EYS: variants seen among roughly 807,000 people sequenced by gnomAD.
EYS encodes the protein protein eyes shut homolog.
Under a neutral mutation model 282.1 loss-of-function variants are expected in EYS, and 250 were observed. The ratio of observed to expected loss-of-function variants is 0.89; its 90% CI spans 0.80 to 0.98. The LOEUF is 0.98. Among genes scored for constraint, EYS ranks in the 50% least tolerant of loss-of-function variants. The pLI, the probability that EYS is intolerant of heterozygous loss-of-function variation, is 0.00. For missense variants in EYS, 4,016 were observed against 3,709.0 expected (o/e 1.08, Z -2.15); for synonymous variants, 1,355 against 1,282.9 (o/e 1.06, Z -1.20).
At chr6:65,392,469 T>A (rs1766082460) in intron 7 of EYS, among the ~76,000 whole-genome samples, 1 of 151,914 alleles carries the variant, frequency 6.6e-6, no homozygotes, top group Non-Finnish European at 1.5e-5. Flanking sequence ...TCAAACAAAT[T>A]TACAAGAAAA....
chr6:64,558,534 A>G (rs1303328054), intron 26 of EYS, among the ~76,000 whole-genome samples: 1 of 152,148 alleles, frequency 6.6e-6, no homozygotes, highest in South Asian at 2.1e-4. Flanking sequence ...AGTAAAGCAG[A>G]ACAGAACAAC....
At chr6:65,065,805 G>A (rs1348351199) in intron 12 of EYS, among the ~76,000 whole-genome samples, 5 of 152,222 alleles carry the variant, frequency 3.3e-5, no homozygotes, top group East Asian at 3.9e-4. Context: ...AAATTAATAC[G>A]TTTGACAGTG....
chr6:65,146,878 T>A (rs1051476660), intron 12 of EYS, among the ~76,000 whole-genome samples: 3 of 152,016 alleles, frequency 2.0e-5, no homozygotes, highest in African/African-American at 7.2e-5. Context: ...AAAAACGTTG[T>A]CAAAGTAAGT....
intron 13 of EYS, among the ~76,000 whole-genome samples, chr6:65,043,284 G>T (rs1023685578): frequency 6.6e-6 from 1 of 151,206 alleles, no homozygotes; most frequent in African/African-American, 2.4e-5. Context: ...ATTTTATAAG[G>T]GTGAATTGTG....
At chr6:64,307,104 AG>A in intron 29 of EYS, 22 bp from the exon 30 acceptor site, 1 of 1,069,206 alleles carries the variant, frequency 9.4e-7, no homozygotes, top group Non-Finnish European at 1.4e-6. Flanking sequence ...AGAGAGAGAG[AG>A]AAGTAGAGAT....
chr6:65,141,290 A>G (rs1196795159), intron 12 of EYS, among the ~76,000 whole-genome samples: 2 of 152,066 alleles, frequency 1.3e-5, no homozygotes, highest in Non-Finnish European at 2.9e-5. Context: ...GGAATTGAAC[A>G]ACGAGAACAC....
chr6:65,306,660 T>TA (rs563938808), intron 11 of EYS, among the ~76,000 whole-genome samples: 1,844 of 133,348 alleles, frequency 0.014, 2 homozygotes, highest in African/African-American at 0.04. Context: ...TGATGTAGGA[T>TA]AAAAAAAAAA....
chr6:63,928,071 C>T (rs963843803), intron 35 of EYS, among the ~76,000 whole-genome samples: 7 of 152,218 alleles, frequency 4.6e-5, no homozygotes, highest in African/African-American at 1.7e-4. Flanking sequence ...CTTAGCCTCT[C>T]TGTGTCCTTT....
rs80318312 is a variant in EYS, at chr6:64,628,342, A to G, written c.3444-2097T>C. Among the ~76,000 whole-genome samples, 1,425 of 152,176 alleles carry G rather than the reference A, an allele frequency of 9.4e-3. 21 individuals carry two copies. The highest frequency in any genetic ancestry group is 0.047 in the South Asian group (229 of 4,826). The stretch of plus-strand genomic sequence containing the variant: ...AATAAACTCAGGTCTGATTTTGTCA[A>G]TAATCGAAGTGTTCATTGTCTTTCC... On this transcript the variant is annotated intron_variant, in intron 22 of 42. Coordinates refer to ENST00000503581, the MANE Select transcript of EYS (RefSeq NM_001142800.2).
At chr6:64,971,419 A>G (rs1234520157) in intron 14 of EYS, among the ~76,000 whole-genome samples, 1 of 152,102 alleles carries the variant, frequency 6.6e-6, no homozygotes, top group Non-Finnish European at 1.5e-5. Context: ...GTTTATTATG[A>G]TCAGGGCTGC....
chr6:64,230,954 CAAATA>C, intron 30 of EYS, 130 bp from the exon 31 acceptor site: 1 of 506,150 alleles, frequency 2.0e-6, no homozygotes, highest in South Asian at 4.4e-5. Context: ...TAACTGAGGA[CAAATA>C]AAATTATCAT....
intron 31 of EYS, among the ~76,000 whole-genome samples, chr6:64,187,594 G>A (rs995299500): frequency 2.6e-5 from 4 of 151,984 alleles, no homozygotes; most frequent in Non-Finnish European, 4.4e-5. Flanking sequence ...ACAGTTTGGA[G>A]GAATGAAGAA....
intron 19 of EYS, among the ~76,000 whole-genome samples, chr6:64,861,946 C>A (rs1427075429): frequency 1.3e-5 from 2 of 152,108 alleles, no homozygotes. Flanking sequence ...ATCATTTTTT[C>A]TTCTCTCCGA....
At chr6:64,519,321 A>G (rs1448959865) in intron 26 of EYS, among the ~76,000 whole-genome samples, 1 of 151,788 alleles carries the variant, frequency 6.6e-6, no homozygotes, top group Non-Finnish European at 1.5e-5. Flanking sequence ...TTGAGGAAAA[A>G]AAGGACAGGG....
At chr6:63,783,962 G>A (rs1770301458) in intron 39 of EYS, among the ~76,000 whole-genome samples, 2 of 152,128 alleles carry the variant, frequency 1.3e-5, no homozygotes, top group Admixed American at 6.5e-5. Flanking sequence ...ATGTGGGTGG[G>A]CCTCATTCAA....
chr6:64,108,360 CTGT>C (rs1562205200), intron 31 of EYS, among the ~76,000 whole-genome samples: 1 of 152,002 alleles, frequency 6.6e-6, no homozygotes, highest in South Asian at 2.1e-4. Context: ...ATGTTGAGGG[CTGT>C]TGTTTGCCTT....
intron 4 of EYS, chr6:65,491,488 G>T: frequency 3.0e-6 from 1 of 335,850 alleles, no homozygotes; most frequent in Non-Finnish European, 6.0e-6. Context: ...TAATTTATGA[G>T]CAGTTTTTGC....
intron 32 of EYS, among the ~76,000 whole-genome samples, chr6:64,077,888 G>A (rs1771826787): frequency 6.6e-6 from 1 of 151,976 alleles, no homozygotes; most frequent in African/African-American, 2.4e-5. Context: ...TTGGTTCAGT[G>A]GCAGATTCAA....
At chr6:64,773,891 T>C (rs1043413094) in intron 22 of EYS, among the ~76,000 whole-genome samples, 6 of 152,018 alleles carry the variant, frequency 3.9e-5, no homozygotes, top group African/African-American at 1.4e-4. Context: ...GTCTGTTTAC[T>C]CTGTTGATTG....
Sources: gnomAD v4.1 joint callset for allele counts (sites outside exome capture counted in the v4.1 genomes callset) on GRCh38, gnomAD v4.1.1 for gene constraint, MANE v1.5 for transcripts, NCBI Gene and HGNC (gene_info 2026-07-23, HGNC 2026-07-21) for gene names.